The following MAD1L1 variants were observed in gnomAD, a reference collection of about 807,000 sequenced individuals.
The protein encoded by MAD1L1 is mitotic arrest deficient 1 like 1.
MAD1L1 carries 95 observed loss-of-function variants against 96.9 expected under a neutral mutation model. The ratio of observed to expected loss-of-function variants is 0.98; its 90% CI spans 0.83 to 1.16. The LOEUF (loss-of-function observed/expected upper bound fraction) is 1.16, where lower values mean the gene tolerates loss of function less well. Ranked by LOEUF, MAD1L1 falls within the 50% of genes most tolerant of loss-of-function variation. The pLI is 0.00. For missense variants in MAD1L1, 1,007 were observed against 954.4 expected (o/e 1.06, Z -0.73); for synonymous variants, 473 against 396.6 (o/e 1.19, Z -2.29).
In MAD1L1 at chr7:2,043,617, C is replaced by T. The variant is rs145183085; in HGVS notation, c.1218+25577G>A. Among the ~76,000 whole-genome samples the T allele has an allele frequency of 7.2e-5, 11 of 152,346 alleles. No individual in the cohort carries two copies. In the East Asian group the frequency reaches 1.7e-3, roughly 24 times the overall value. On this transcript the variant is annotated intron_variant, in intron 12 of 18. Coordinates refer to ENST00000265854, the MANE Select transcript of MAD1L1 (RefSeq NM_001013836.2). ...TTCTCTGGAGGCTACGGGTGCCCTG[C>T]AGAGTGGAGGCACGCGGAGGGCCTG...
At position 1,939,589 on chromosome 7, in the gene MAD1L1, T is replaced by C. The variant is rs767799126; in HGVS notation, c.1597-2692A>G. ...CAGCAAGCCAGGCCAGCACCACGCA[T>C]AGCAATGGCCTCCTCCCCTTTGGCA... On this transcript the variant is annotated intron_variant, in intron 16 of 18. Coordinates refer to ENST00000265854, the MANE Select transcript of MAD1L1 (RefSeq NM_001013836.2). 8.2e-4 allele frequency among the ~76,000 whole-genome samples: 125 copies of C among 152,128 alleles called. 2 individuals carry two copies. Among genetic ancestry groups the C allele is most frequent in the Non-Finnish European group, 4.3e-4 (29 of 68,000 alleles).
chr7:1,909,132 G>C (rs1305419514), intron 17 of MAD1L1, among the ~76,000 whole-genome samples: 1 of 152,228 alleles, frequency 6.6e-6, no homozygotes, highest in East Asian at 1.9e-4. Context: ...CACCGGCGTG[G>C]TGTACTAGTA....
chr7:2,170,186 G>A (rs1029495200), intron 10 of MAD1L1, among the ~76,000 whole-genome samples: 3 of 152,182 alleles, frequency 2.0e-5, no homozygotes, highest in African/African-American at 7.2e-5. Flanking sequence ...GAAGCAGCTC[G>A]TCCTAGCCAG....
intron 18 of MAD1L1, among the ~76,000 whole-genome samples, chr7:1,892,164 G>T (rs758985823): frequency 6.6e-6 from 1 of 152,158 alleles, no homozygotes; most frequent in Non-Finnish European, 1.5e-5. Flanking sequence ...ACTGCGCCAC[G>T]GTGGTCTACT....
chr7:2,106,295 C>A (rs181248410), intron 11 of MAD1L1, among the ~76,000 whole-genome samples: 112 of 152,196 alleles, frequency 7.4e-4, no homozygotes, highest in African/African-American at 2.5e-3. Context: ...CATGTCCATC[C>A]CTGGAGACGG....
intron 15 of MAD1L1, among the ~76,000 whole-genome samples, chr7:1,961,151 ACT>A (rs1779936619): frequency 6.6e-6 from 1 of 152,050 alleles, no homozygotes; most frequent in Non-Finnish European, 1.5e-5. Context: ...AGGCTGGGAG[ACT>A]CTGGGTGTTG....
At chr7:2,008,863 G>A (rs569705712) in intron 13 of MAD1L1, among the ~76,000 whole-genome samples, 4 of 152,120 alleles carry the variant, frequency 2.6e-5, no homozygotes, top group African/African-American at 9.7e-5. Context: ...CATCCCAAAC[G>A]ACCTGACGCA....
rs1233653241 is a variant in MAD1L1, at chr7:2,038,966, C to T, written c.1219-24324G>A. Among the ~76,000 whole-genome samples the T allele has an allele frequency of 2.0e-5, 3 of 152,178 alleles. No homozygotes were observed. The East Asian group carries it at 5.8e-4, about 29-fold the overall frequency. ...CACAACCCGTATGCCGACAATGATA[C>T]AGTCAAGATACAGCACATTTCATCA... On this transcript the variant is annotated intron_variant, in intron 12 of 18. Coordinates refer to ENST00000265854, the MANE Select transcript of MAD1L1 (RefSeq NM_001013836.2).
At chr7:2,087,769 T>C (rs1785998094) in intron 11 of MAD1L1, among the ~76,000 whole-genome samples, 1 of 152,122 alleles carries the variant, frequency 6.6e-6, no homozygotes, top group African/African-American at 2.4e-5. Context: ...GAGCAGGGAC[T>C]GGGGAGCTGA....
intron 18 of MAD1L1, among the ~76,000 whole-genome samples, chr7:1,887,518 TGC>T (rs1247612141): frequency 1.3e-5 from 2 of 151,490 alleles, no homozygotes; most frequent in African/African-American, 2.4e-5. Flanking sequence ...TGGCTGCCTG[TGC>T]GTGTGTGTCT....
At chr7:2,145,259 AG>A (rs1350942440) in intron 11 of MAD1L1, among the ~76,000 whole-genome samples, 1 of 152,252 alleles carries the variant, frequency 6.6e-6, no homozygotes, top group Admixed American at 6.5e-5. Flanking sequence ...GCTGTAAGAC[AG>A]GAATTCCAGT....
chr7:2,139,174 A>G (rs1426140650), intron 11 of MAD1L1, among the ~76,000 whole-genome samples: 3 of 151,852 alleles, frequency 2.0e-5, no homozygotes, highest in Non-Finnish European at 4.4e-5. Flanking sequence ...CCCAACCCCC[A>G]GGAAGCACCC....
intron 3 of MAD1L1, among the ~76,000 whole-genome samples, chr7:2,228,810 A>G (rs1254489634): frequency 6.6e-6 from 1 of 150,542 alleles, no homozygotes; most frequent in Non-Finnish European, 1.5e-5. Context: ...GCGCAATCTC[A>G]GCTCACTGCA....
At chr7:2,232,053 G>C (rs1229396370) in intron 1 of MAD1L1, among the ~76,000 whole-genome samples, 1 of 152,178 alleles carries the variant, frequency 6.6e-6, no homozygotes, top group East Asian at 1.9e-4. Flanking sequence ...ATTGGAACTT[G>C]GGTCTGTCTG....
chr7:2,199,792 C>A (rs944034659), intron 10 of MAD1L1, among the ~76,000 whole-genome samples: 4 of 152,334 alleles, frequency 2.6e-5, no homozygotes, highest in East Asian at 1.9e-4. Context: ...CCAGACTCCG[C>A]GGTAAGGCCA....
At chr7:1,856,008 G>A (rs1046341251) in intron 18 of MAD1L1, among the ~76,000 whole-genome samples, 5 of 152,150 alleles carry the variant, frequency 3.3e-5, no homozygotes, top group East Asian at 1.9e-4. Flanking sequence ...ACTTCCTCGC[G>A]GTGCGCTCAC....
At chr7:1,832,645 G>GGT (rs1337642086) in intron 18 of MAD1L1, among the ~76,000 whole-genome samples, 1 of 58,820 alleles carries the variant, frequency 1.7e-5, no homozygotes, top group South Asian at 1.3e-3. Flanking sequence ...GGGGGGGGGG[G>GGT]GGTGGGGATG....
intron 14 of MAD1L1, among the ~76,000 whole-genome samples, chr7:1,999,043 C>T (rs1382659765): frequency 2.6e-5 from 4 of 152,164 alleles, no homozygotes; most frequent in Admixed American, 6.5e-5. Context: ...GACACCAGAC[C>T]CCACACTCCA....
intron 11 of MAD1L1, among the ~76,000 whole-genome samples, chr7:2,102,159 A>T (rs114661411): frequency 0.013 from 1,902 of 152,044 alleles, 39 homozygotes; most frequent in African/African-American, 0.043. Context: ...ACCCACCATC[A>T]TCACCAACAC....
Sources: allele counts gnomAD v4.1 joint callset (sites outside exome capture counted in the v4.1 genomes callset), GRCh38; gene constraint gnomAD v4.1.1; transcripts MANE v1.5; gene names NCBI Gene and HGNC (gene_info 2026-07-23, HGNC 2026-07-21).